Variants in CLCN4 observed in about 807,000 individuals in gnomAD.
The protein encoded by CLCN4 is Cl-/H+ antiporter 4.
A neutral mutation model predicts 41.7 loss-of-function variants in CLCN4; 1 was observed. That is an observed-to-expected ratio of 0.02 (90% CI 0.01 to 0.11). CLCN4 has a LOEUF of 0.11. CLCN4 is among the 10% of genes least tolerant of loss of function. The pLI is 1.00. For missense variants in CLCN4, 287 were observed against 661.0 expected, an observed-to-expected ratio of 0.43 and a Z score of 6.20; for synonymous variants, 277 against 285.8, an observed-to-expected ratio of 0.97 and a Z score of 0.31.
At chrX:10,210,625 C>T (rs961849898) in intron 9 of CLCN4, among the ~76,000 whole-genome samples, 7 of 106,706 alleles carry the variant, frequency 6.6e-5, no homozygotes, top group East Asian at 5.9e-4. Context: ...TACACACATG[C>T]GCCATTGTGC....
At chrX:10,190,264 C>T (rs1188978045) in intron 4 of CLCN4, among the ~76,000 whole-genome samples, 2 of 111,550 alleles carry the variant, frequency 1.8e-5, no homozygotes, top group East Asian at 5.6e-4. Context: ...GGAGGTGATT[C>T]GGTTGGTGCG....
chrX:10,167,017 T>C (rs1367409207), intron 2 of CLCN4, among the ~76,000 whole-genome samples: 2 of 112,487 alleles, frequency 1.8e-5, no homozygotes, highest in East Asian at 5.6e-4. Flanking sequence ...CAGACTGTGA[T>C]TGAAGGAACA....
In CLCN4 at chrX:10,157,023, C is replaced by T. The variant is rs887777906; in HGVS notation, c.-352C>T. The T allele has an allele frequency of 4.4e-5, 13 of 296,868 alleles. No individual in the cohort carries two copies. The highest frequency in any genetic ancestry group is 3.3e-4 in the African/African-American group (12 of 36,712). 24.5% of individuals were successfully genotyped at this position (296,868 alleles called of 1,213,427 possible). ...GGAAAATGAGCTTGTCAGTTTCTGC[C>T]TCCATTAGACCCTCAACCCAAAGGA... On this transcript the variant is annotated 5_prime_UTR_variant, in exon 1 of 13. Transcript: ENST00000380833.
At chrX:10,160,426 G>A (rs1923062152) in intron 2 of CLCN4, among the ~76,000 whole-genome samples, 1 of 111,265 alleles carries the variant, frequency 9.0e-6, no homozygotes, top group Non-Finnish European at 1.9e-5. Flanking sequence ...AAAGGAGAGT[G>A]TTAGGGAAAG....
At chrX:10,229,822 C>T (rs1160705599) in intron 12 of CLCN4, among the ~76,000 whole-genome samples, 2 of 111,895 alleles carry the variant, frequency 1.8e-5, no homozygotes, top group Non-Finnish European at 3.8e-5. Context: ...GGTTCCAAGT[C>T]TTTGCTATTG....
At chrX:10,222,335 C>G (rs1436347248) in intron 12 of CLCN4, among the ~76,000 whole-genome samples, 1 of 111,830 alleles carries the variant, frequency 8.9e-6, no homozygotes, top group Non-Finnish European at 1.9e-5. Flanking sequence ...CTAGGGTTAT[C>G]TGCCCATTTT....
intron 8 of CLCN4, among the ~76,000 whole-genome samples, chrX:10,207,110 G>A (rs1394361950): frequency 4.5e-5 from 5 of 110,407 alleles, no homozygotes; most frequent in African/African-American, 1.7e-4. Flanking sequence ...AGTAGAGATG[G>A]GGGTTTCACC....
chrX:10,221,797 C>T (rs747573951), intron 12 of CLCN4, among the ~76,000 whole-genome samples: 4 of 112,064 alleles, frequency 3.6e-5, no homozygotes, highest in African/African-American at 6.5e-5. Flanking sequence ...TCCGAATTAC[C>T]GGGAAGGGGT....
At chrX:10,197,825 C>T in intron 5 of CLCN4, 114 bp from the exon 6 acceptor site, 3 of 979,887 alleles carry the variant, frequency 3.1e-6, no homozygotes, top group Non-Finnish European at 4.3e-6. Flanking sequence ...TGGGACCAAA[C>T]CTGCCCAATC....
In CLCN4 at chrX:10,233,649, T is replaced by A. The variant is rs1194843927; in HGVS notation, c.*65T>A. ...GTCATTTAAAAAGAAATAAATGATA[T>A]GTTATTATCCCAATGAAAGATCATG... On this transcript the variant is annotated 3_prime_UTR_variant, in exon 13 of 13. Coordinates refer to ENST00000380833, the MANE Select transcript of CLCN4 (RefSeq NM_001830.4). The A allele has an allele frequency of 3.2e-5, 28 of 887,411 alleles. No individual in the cohort carries two copies. Among genetic ancestry groups the A allele is most frequent in the Non-Finnish European group, 4.6e-5 (28 of 607,732 alleles). 73.1% of individuals were successfully genotyped at this position (887,411 alleles called of 1,213,427 possible). A position where few individuals can be genotyped will look rare whatever the true frequency, so the allele number is the denominator to read the frequency against.
At position 10,185,043 on chromosome X, in the gene CLCN4, C is replaced by T. The variant is rs201381518; in HGVS notation, c.11C>T (p.Ala4Val). 3.3e-5 allele frequency: 40 copies of T among 1,204,044 alleles called. No individual in the cohort carries two copies. The highest frequency in any genetic ancestry group is 3.8e-5 in the Non-Finnish European group (34 of 891,660). The change falls in exon 3 of 13, where the codon GCG becomes GTG. Residue 4 changes from alanine to valine, a missense_variant. Transcript: ENST00000380833. MVN[A>V]GAMSGSGNLM... ...CCAGGTGTAATTAGCATGGTCAATG[C>T]GGGAGCGATGAGTGGCTCTGGAAAC...
At chrX:10,200,029 G>A (rs1924199610) in intron 6 of CLCN4, among the ~76,000 whole-genome samples, 1 of 111,999 alleles carries the variant, frequency 8.9e-6, no homozygotes. Context: ...GGGATTACAG[G>A]CGTGAGCCGC....
intron 11 of CLCN4, among the ~76,000 whole-genome samples, chrX:10,218,322 C>CT (rs1924780459): frequency 9.0e-6 from 1 of 111,679 alleles, no homozygotes. Flanking sequence ...TCTTTTAGGT[C>CT]TTTTAAAAAG....
At chrX:10,204,688 C>T (rs969158919) in intron 6 of CLCN4, among the ~76,000 whole-genome samples, 3 of 84,002 alleles carry the variant, frequency 3.6e-5, no homozygotes, top group African/African-American at 1.3e-4. Flanking sequence ...ACACTTGGCT[C>T]GTGGGTCATA....
chrX:10,167,321 G>C (rs972935214), intron 2 of CLCN4, among the ~76,000 whole-genome samples: 2 of 111,617 alleles, frequency 1.8e-5, no homozygotes, highest in African/African-American at 6.5e-5. Context: ...TCATCCTAAA[G>C]GTGCCCGCAT....
chrX:10,213,605 G>A (rs1924626597), intron 10 of CLCN4, 76 bp from the exon 11 acceptor site: 13 of 953,865 alleles, frequency 1.4e-5, no homozygotes, highest in Non-Finnish European at 1.9e-5. Flanking sequence ...CAGCCTGTCT[G>A]TCATTTTCCC....
At chrX:10,184,985 C>T in intron 2 of CLCN4, 37 bp from the exon 3 acceptor site, 1 of 1,138,133 alleles carries the variant, frequency 8.8e-7, no homozygotes, top group Non-Finnish European at 1.2e-6. Context: ...CATGGCATGT[C>T]CTGCTCATGT....
chrX:10,223,925 G>A (rs1327546552), intron 12 of CLCN4, among the ~76,000 whole-genome samples: 2 of 111,708 alleles, frequency 1.8e-5, no homozygotes, highest in Admixed American at 9.5e-5. Flanking sequence ...TTTATAATTC[G>A]CTGAATTCGC....
At chrX:10,206,929 G>GTT in intron 8 of CLCN4, among the ~76,000 whole-genome samples, 153 bp downstream of exon 8, 1 of 108,691 alleles carries the variant, frequency 9.2e-6, no homozygotes, top group East Asian at 2.9e-4. Context: ...TTTTGTTTTT[G>GTT]TTTTTTTTGA....
Sources: gnomAD v4.1 joint callset for allele counts (sites outside exome capture counted in the v4.1 genomes callset) on GRCh38, gnomAD v4.1.1 for gene constraint, MANE v1.5 for transcripts, NCBI Gene and HGNC (gene_info 2026-07-23, HGNC 2026-07-21) for gene names.